The following CDH13 variants were observed in gnomAD, a reference collection of about 807,000 sequenced individuals.
CDH13 encodes the protein cadherin 13.
CDH13 carries 24 observed loss-of-function variants against 63.8 expected under a neutral mutation model. That is an observed-to-expected ratio of 0.38 (90% CI 0.27 to 0.53). The LOEUF is 0.53. Ranked by LOEUF, CDH13 falls within the 20% of genes least tolerant of loss-of-function variation. The pLI is 0.85. For synonymous variants in CDH13, 503 were observed against 355.3 expected (o/e 1.42, Z -4.67); for missense variants, 1,049 against 903.1 (o/e 1.16, Z -2.07).
intron 1 of CDH13, among the ~76,000 whole-genome samples, chr16:82,822,703 C>G (rs988884013): frequency 6.6e-6 from 1 of 152,176 alleles, no homozygotes; most frequent in Non-Finnish European, 1.5e-5. Context: ...CTGTGTTACC[C>G]AGGTTAGTCT....
intron 3 of CDH13, among the ~76,000 whole-genome samples, chr16:83,043,937 C>T (rs989714182): frequency 6.6e-6 from 1 of 152,024 alleles, no homozygotes; most frequent in African/African-American, 2.4e-5. Context: ...GCTTAAGGCA[C>T]ATCTCAATTT....
At chr16:82,952,557 T>C (rs1398921916) in intron 2 of CDH13, among the ~76,000 whole-genome samples, 1 of 152,248 alleles carries the variant, frequency 6.6e-6, no homozygotes, top group African/African-American at 2.4e-5. Context: ...CCATAACTTT[T>C]CTACAGATCC....
At chr16:83,445,741 T>C (rs573499158) in intron 6 of CDH13, among the ~76,000 whole-genome samples, 6 of 152,334 alleles carry the variant, frequency 3.9e-5, no homozygotes, top group African/African-American at 1.2e-4. Context: ...CAGAATTCAG[T>C]TAGAAGATCT....
chr16:83,007,934 G>C (rs1913716218), intron 2 of CDH13, among the ~76,000 whole-genome samples: 1 of 151,956 alleles, frequency 6.6e-6, no homozygotes, highest in Non-Finnish European at 1.5e-5. Context: ...ATTAAGTCAG[G>C]TTATATTTGT....
intron 5 of CDH13, among the ~76,000 whole-genome samples, chr16:83,304,449 G>T (rs2089826998): frequency 1.3e-5 from 2 of 151,796 alleles, no homozygotes; most frequent in African/African-American, 4.8e-5. Flanking sequence ...TTTTTTTTCT[G>T]GGATTTTCAA....
intron 1 of CDH13, among the ~76,000 whole-genome samples, chr16:82,685,269 G>A (rs1015583364): frequency 6.6e-6 from 1 of 152,186 alleles, no homozygotes; most frequent in Non-Finnish European, 1.5e-5. Flanking sequence ...AGCGCCAACA[G>A]ATTTAGTGTC....
At chr16:83,586,410 A>C (rs1302835482) in intron 7 of CDH13, among the ~76,000 whole-genome samples, 3 of 152,248 alleles carry the variant, frequency 2.0e-5, no homozygotes, top group Non-Finnish European at 4.4e-5. Flanking sequence ...TTTAAAAATA[A>C]AATGAAAAGG....
chr16:82,883,485 A>T (rs994126089), intron 2 of CDH13, among the ~76,000 whole-genome samples: 1 of 152,222 alleles, frequency 6.6e-6, no homozygotes, highest in Admixed American at 6.5e-5. Context: ...AGGAATCTGC[A>T]TGTTTTCCAT....
intron 7 of CDH13, among the ~76,000 whole-genome samples, chr16:83,539,327 A>G (rs944309472): frequency 6.6e-6 from 1 of 152,156 alleles, no homozygotes; most frequent in Non-Finnish European, 1.5e-5. Context: ...ATCTAATGCC[A>G]TGGCTGATCT....
intron 10 of CDH13, among the ~76,000 whole-genome samples, chr16:83,718,238 A>G (rs1373231024): frequency 6.6e-6 from 1 of 152,170 alleles, no homozygotes; most frequent in Admixed American, 6.5e-5. Context: ...TCCCAGAGGA[A>G]CACACTCCTG....
intron 13 of CDH13, among the ~76,000 whole-genome samples, chr16:83,786,117 A>G (rs560906882): frequency 3.6e-4 from 55 of 152,308 alleles, no homozygotes; most frequent in Non-Finnish European, 5.4e-4. Flanking sequence ...GAGAATTTCT[A>G]TAGCACCAAC....
chr16:83,178,017 T>C (rs970027175), intron 4 of CDH13, among the ~76,000 whole-genome samples: 2 of 152,116 alleles, frequency 1.3e-5, no homozygotes, highest in African/African-American at 4.8e-5. Context: ...ATAAAGGAGC[T>C]ACGGGAAACC....
At chr16:82,911,547 T>C (rs1179230523) in intron 2 of CDH13, among the ~76,000 whole-genome samples, 1 of 152,164 alleles carries the variant, frequency 6.6e-6, no homozygotes, top group Non-Finnish European at 1.5e-5. Flanking sequence ...TGTGTCTCCA[T>C]CTGTAAAATG....
At chr16:82,667,104 C>T (rs12716951) in intron 1 of CDH13, among the ~76,000 whole-genome samples, 93,516 of 151,536 alleles carry the variant, frequency 0.62, 29,014 homozygotes, top group East Asian at 0.72. Context: ...CTTGTGTCTT[C>T]AGAAGTTATC....
chr16:82,873,433 T>A (rs1052268564), intron 2 of CDH13, among the ~76,000 whole-genome samples: 9 of 152,044 alleles, frequency 5.9e-5, no homozygotes, highest in African/African-American at 2.2e-4. Context: ...GGTGTTGGAG[T>A]CTTCTTTCAC....
chr16:83,200,594 C>T (rs963846245), intron 4 of CDH13, among the ~76,000 whole-genome samples: 1 of 152,180 alleles, frequency 6.6e-6, no homozygotes, highest in African/African-American at 2.4e-5. Context: ...GAGTCATCAC[C>T]TACAAAGCAG....
At chr16:83,749,269 T>C (rs1298585231) in intron 11 of CDH13, among the ~76,000 whole-genome samples, 1 of 152,256 alleles carries the variant, frequency 6.6e-6, no homozygotes, top group Admixed American at 6.5e-5. Context: ...GGTCCTCGTA[T>C]GCCGGCTACT....
intron 10 of CDH13, among the ~76,000 whole-genome samples, chr16:83,714,146 G>A (rs1908524833): frequency 6.6e-6 from 1 of 152,132 alleles, no homozygotes; most frequent in Admixed American, 6.5e-5. Flanking sequence ...GAAAATAGAT[G>A]CCGCAGAAGC....
intron 1 of CDH13, among the ~76,000 whole-genome samples, chr16:82,720,541 A>G (rs2032702740): frequency 6.6e-6 from 1 of 152,042 alleles, no homozygotes; most frequent in Admixed American, 6.6e-5. Context: ...TACTGGGGCA[A>G]TTTAGATGTG....
Sources: gnomAD v4.1 joint callset for allele counts (sites outside exome capture counted in the v4.1 genomes callset) on GRCh38, gnomAD v4.1.1 for gene constraint, MANE v1.5 for transcripts, NCBI Gene and HGNC (gene_info 2026-07-23, HGNC 2026-07-21) for gene names.